The following CD81 variants were observed in gnomAD, a reference collection of about 807,000 sequenced individuals.
CD81 encodes the protein CD81 molecule.
Under a neutral mutation model 30.1 loss-of-function variants are expected in CD81, and 10 were observed. The observed-to-expected ratio is 0.33, with a 90% confidence interval of 0.21 to 0.56. CD81 has a LOEUF of 0.56. Among genes scored for constraint, CD81 ranks in the 20% least tolerant of loss-of-function variants. The pLI, the probability that CD81 is intolerant of heterozygous loss-of-function variation, is 0.89. For missense variants in CD81, 263 were observed against 308.7 expected, an observed-to-expected ratio of 0.85 and a Z score of 1.11; for synonymous variants, 147 against 126.4, an observed-to-expected ratio of 1.16 and a Z score of -1.10.
intron 5 of CD81, 80 bp from the exon 6 acceptor site, chr11:2,395,789 G>T (rs1564995751): frequency 1.0e-6 from 1 of 954,280 alleles, no homozygotes; most frequent in East Asian, 2.4e-5. Context: ...CGTACCCCTG[G>T]CCACCTCCCC....
chr11:2,396,853 G>A lies in CD81; in HGVS notation c.698G>A (p.Ser233Asn). 6.2e-7 allele frequency: 1 copy of A among 1,612,706 alleles called. No homozygotes were observed. Among genetic ancestry groups the A allele is most frequent in the South Asian group, 1.1e-5 (1 of 91,086 alleles). ...GTGCTGTGCTGTGGCATCCGGAACAGCTCCGTGTACTGAGGCCCCGCAGCT... is the reference window on the plus strand; with the variant it reads ...GTGCTGTGCTGTGGCATCCGGAACAACTCCGTGTACTGAGGCCCCGCAGCT... ...SMVLCCGIRN[S>N]SVY The change falls in exon 8 of 8, where the codon AGC becomes AAC. Residue 233 changes from serine to asparagine, a missense_variant. By Grantham distance (46) the Ser-to-Asn change is conservative. Around this residue, in one of 3 missense-constraint regions of CD81, gnomAD observed 176 missense variants for 192.9 expected, o/e 0.91. Transcript: ENST00000263645.
rs530808505 is a variant in CD81, at chr11:2,393,775, G to T, written c.182-320G>T. On this transcript the variant is annotated intron_variant, in intron 2 of 7. Transcript: ENST00000263645. Reference sequence around the variant, plus strand: ...TGGCAGGTGCAGGCGGTGGGTGGTGGGTGTGGCAGGTGGCGGGCCCCACCG... The same window carrying T: ...TGGCAGGTGCAGGCGGTGGGTGGTGTGTGTGGCAGGTGGCGGGCCCCACCG... The T allele has an allele frequency of 5.9e-5, 36 of 610,596 alleles. No homozygotes were observed. The South Asian group carries it at 6.8e-4, about 12-fold the overall frequency. The allele number at this position is 610,596 out of a possible 1,614,324, so 37.8% of individuals were successfully genotyped here.
intron 1 of CD81, among the ~76,000 whole-genome samples, chr11:2,389,726 G>C (rs1564992865): frequency 6.6e-6 from 1 of 151,980 alleles, no homozygotes; most frequent in Non-Finnish European, 1.5e-5. Flanking sequence ...TTCCTCCCAA[G>C]TCCCTTCCCA....
chr11:2,381,775 C>A (rs1849709994), intron 1 of CD81, among the ~76,000 whole-genome samples: 1 of 152,212 alleles, frequency 6.6e-6, no homozygotes, highest in African/African-American at 2.4e-5. Context: ...GATATTCCAG[C>A]CCTGCAGGTG....
intron 5 of CD81, 22 bp downstream of exon 5, chr11:2,395,542 G>A: frequency 6.3e-7 from 1 of 1,589,944 alleles, no homozygotes; most frequent in Non-Finnish European, 8.6e-7. Flanking sequence ...GGGGGCGAGG[G>A]CGGGGAGCAG....
At chr11:2,396,494 TG>T in intron 6 of CD81, 133 bp from the exon 7 acceptor site, 3 of 811,640 alleles carry the variant, frequency 3.7e-6, no homozygotes, top group Non-Finnish European at 6.3e-6. Context: ...TGTTCCGAGG[TG>T]GGTAGGGGGT....
At position 2,395,418 on chromosome 11, in the gene CD81, C is replaced by A. The variant is rs1244285507; in HGVS notation, c.357C>A (p.Ile119=). The change falls in exon 5 of 8, where the codon ATC becomes ATA. Residue 119 remains isoleucine, a splice_region_variant and synonymous_variant. Coordinates refer to ENST00000263645, the MANE Select transcript of CD81 (RefSeq NM_004356.4). ...ATGTGACCGCACCCCTCCCCCAGAT[C>A]GCCAAGGATGTGAAGCAGTTCTATG... ...GIWGFVNKDQ[I]AKDVKQFYDQ... 3 of 1,611,598 alleles carry A rather than the reference C, an allele frequency of 1.9e-6. No individual in the cohort carries two copies. Among genetic ancestry groups the A allele is most frequent in the African/African-American group, 2.7e-5 (2 of 74,894 alleles).
At chr11:2,395,648 C>A in intron 5 of CD81, 128 bp downstream of exon 5, 1 of 822,648 alleles carries the variant, frequency 1.2e-6, no homozygotes. Context: ...CCTCCAGGAC[C>A]CCTGGTCTCA....
rs1849630457 is a variant in CD81 at position 2,378,037 on chromosome 11, C to G, written c.66+422C>G. ...ACGAGGGGGGGGCTCGCGGGCGGGA[C>G]TCCTGGCGCCCCGCCCCCATGAGCT... On this transcript the variant is annotated intron_variant, in intron 1 of 7. Coordinates refer to ENST00000263645, the MANE Select transcript of CD81 (RefSeq NM_004356.4). The surrounding 1 kb of genome is among the most constrained non-coding windows in gnomAD (Gnocchi z 4.9). The G allele has an allele frequency of 6.6e-6, 1 of 152,196 alleles. No individual in the cohort carries two copies. Among genetic ancestry groups the G allele is most frequent in the Non-Finnish European group, 1.5e-5 (1 of 68,144 alleles). The allele number at this position is 152,196 out of a possible 1,614,324, so 9.4% of individuals were successfully genotyped here. A position where few individuals can be genotyped will look rare whatever the true frequency, so the allele number is the denominator to read the frequency against.
In CD81 at chr11:2,395,425, G is replaced by T; in HGVS notation, c.364G>T (p.Asp122Tyr). 1 of 1,612,418 alleles carries T rather than the reference G, an allele frequency of 6.2e-7. No homozygotes were observed. The highest frequency in any genetic ancestry group is 1.7e-5 in the Admixed American group (1 of 60,030). Residue 122 changes from aspartate (D) to tyrosine (Y), a missense_variant, in exon 5 of 8, where the codon GAT becomes TAT. By Grantham distance (160) the Asp-to-Tyr change is radical. Coordinates refer to ENST00000263645, the MANE Select transcript of CD81 (RefSeq NM_004356.4). The part of the protein sequence containing the change: ...GFVNKDQIAK[D>Y]VKQFYDQALQ... Reference sequence around the variant, plus strand: ...CGCACCCCTCCCCCAGATCGCCAAGGATGTGAAGCAGTTCTATGACCAGGC... The same window carrying T: ...CGCACCCCTCCCCCAGATCGCCAAGTATGTGAAGCAGTTCTATGACCAGGC...
intron 3 of CD81, chr11:2,394,745 C>A: frequency 1.6e-6 from 1 of 625,890 alleles, no homozygotes; most frequent in Non-Finnish European, 2.9e-6. Flanking sequence ...TCCTGTGGAG[C>A]CTGGTGCCGC....
chr11:2,381,708 C>G (rs993908498), intron 1 of CD81, among the ~76,000 whole-genome samples: 2 of 152,202 alleles, frequency 1.3e-5, no homozygotes, highest in Non-Finnish European at 2.9e-5. Flanking sequence ...GTGCCCTGCC[C>G]CTTGCTTGGG....
chr11:2,395,930 T>G lies in CD81; in HGVS notation c.521T>G (p.Leu174Trp). 2 of 1,612,472 alleles carry G rather than the reference T, an allele frequency of 1.2e-6. No individual in the cohort carries two copies. The highest frequency in any genetic ancestry group is 1.7e-6 in the Non-Finnish European group (2 of 1,179,744). ...ACCACCTCAGTGCTCAAGAACAATT[T>G]GTGTCCCTCGGGCAGCAACATCATC... ...ALTTSVLKNNLCPSGSNIISN... is the reference protein window; with the variant it reads ...ALTTSVLKNNWCPSGSNIISN... Residue 174 changes from leucine to tryptophan, a missense_variant, in exon 6 of 8, where the codon TTG becomes TGG. Around this residue, in one of 3 missense-constraint regions of CD81, gnomAD observed 176 missense variants for 192.9 expected, o/e 0.91. Transcript: ENST00000263645.
chr11:2,390,480 G>A lies in CD81; in HGVS notation c.135G>A (p.Leu45=), dbSNP rs762466653. 2.5e-6 allele frequency: 4 copies of A among 1,612,888 alleles called. No individual in the cohort carries two copies. The highest frequency in any genetic ancestry group is 2.2e-5 in the South Asian group (2 of 91,094). ...LRHDPQTTNL[L]YLELGDKPAP... is the part of the protein sequence containing the mutation. ...ATGACCCGCAGACCACCAACCTCCT[G>A]TATCTGGAGCTGGGAGACAAGCCCG... Residue 45 remains leucine (L), a synonymous_variant, in exon 2 of 8, where the codon CTG becomes CTA. Coordinates refer to ENST00000263645, the MANE Select transcript of CD81 (RefSeq NM_004356.4).
intron 7 of CD81, 45 bp downstream of exon 7, chr11:2,396,759 C>G: frequency 6.2e-7 from 1 of 1,611,712 alleles, no homozygotes; most frequent in African/African-American, 1.3e-5. Flanking sequence ...GCTGCCCCTT[C>G]CGCGGGGCCT....
At chr11:2,386,521 G>A (rs1308781474) in intron 1 of CD81, 9 of 715,548 alleles carry the variant, frequency 1.3e-5, no homozygotes, top group Admixed American at 2.0e-5. Flanking sequence ...TCCAGAAACC[G>A]GCAGTGACCA....
intron 1 of CD81, among the ~76,000 whole-genome samples, chr11:2,387,629 G>A (rs929530572): frequency 4.6e-5 from 7 of 152,084 alleles, no homozygotes; most frequent in African/African-American, 1.4e-4. Flanking sequence ...AGAACCAGGA[G>A]CTGTCTGCCC....
chr11:2,380,012 G>A (rs1391346814), intron 1 of CD81, among the ~76,000 whole-genome samples: 3 of 152,162 alleles, frequency 2.0e-5, no homozygotes, highest in South Asian at 2.1e-4. Flanking sequence ...GGCCTTCCCC[G>A]TCTGCAGTGG....
At position 2,384,306 on chromosome 11, in the gene CD81, C is replaced by T. The variant is rs188804683; in HGVS notation, c.67-6106C>T. Among the ~76,000 whole-genome samples, 199 of 143,952 alleles carry T rather than the reference C, an allele frequency of 1.4e-3. 1 individual carries two copies. In the East Asian group the frequency reaches 0.032, roughly 23 times the overall value. 94.4% of individuals were successfully genotyped at this position (143,952 alleles called of 152,430 possible). A position where few individuals can be genotyped will look rare whatever the true frequency, so the allele number is the denominator to read the frequency against. ...GGGTGGGGCGGCTTGTGGGGCGGGG[C>T]GCCTTGGGAGGCGGGGTGTCTCGGG... is the stretch of plus-strand genomic sequence containing the variant. On this transcript the variant is annotated intron_variant, in intron 1 of 7. Transcript: ENST00000263645.
Sources: gnomAD v4.1 joint callset for allele counts (sites outside exome capture counted in the v4.1 genomes callset) on GRCh38, gnomAD v4.1.1 for gene constraint, gnomAD v4.1.1 regional missense constraint, Gnocchi (gnomAD v3.1) non-coding constraint, MANE v1.5 for transcripts, NCBI Gene and HGNC (gene_info 2026-07-23, HGNC 2026-07-21) for gene names.